MCTP1: variants seen among roughly 807,000 people sequenced by gnomAD.
MCTP1 encodes the protein multiple C2 and transmembrane domain-containing protein 1.
In MCTP1, 69 loss-of-function variants were observed where a neutral mutation model predicts 120.6. The observed-to-expected ratio is 0.57, with a 90% confidence interval of 0.47 to 0.70. The LOEUF (loss-of-function observed/expected upper bound fraction) is 0.70, where lower values mean the gene tolerates loss of function less well. Among genes scored for constraint, MCTP1 ranks in the 30% least tolerant of loss-of-function variants. The pLI, the probability that MCTP1 is intolerant of heterozygous loss-of-function variation, is 0.00. For synonymous variants in MCTP1, 529 were observed against 493.1 expected, an observed-to-expected ratio of 1.07 and a Z score of -0.96; for missense variants, 1,203 against 1,248.8, an observed-to-expected ratio of 0.96 and a Z score of 0.55.
chr5:95,042,858 T>C (rs1416136294), intron 1 of MCTP1, among the ~76,000 whole-genome samples: 1 of 152,208 alleles, frequency 6.6e-6, no homozygotes, highest in Non-Finnish European at 1.5e-5. Context: ...TGAATGTATA[T>C]ATCTACCATA....
chr5:95,196,343 G>T (rs111492684), intron 1 of MCTP1, among the ~76,000 whole-genome samples: 22 of 152,288 alleles, frequency 1.4e-4, no homozygotes, highest in African/African-American at 5.1e-4. Flanking sequence ...GATCCTTTAA[G>T]GTAGGTGGTC....
At chr5:94,760,527 C>T (rs1343102802) in intron 19 of MCTP1, among the ~76,000 whole-genome samples, 1 of 152,172 alleles carries the variant, frequency 6.6e-6, no homozygotes, top group African/African-American at 2.4e-5. Flanking sequence ...GATCAGGATA[C>T]TTGGCTAAGA....
intron 1 of MCTP1, among the ~76,000 whole-genome samples, chr5:95,197,562 C>T (rs1478624131): frequency 6.6e-6 from 1 of 151,982 alleles, no homozygotes; most frequent in East Asian, 1.9e-4. Flanking sequence ...ATCTCTACGA[C>T]ATATTAATGA....
intron 2 of MCTP1, among the ~76,000 whole-genome samples, chr5:94,992,551 T>C (rs1831791183): frequency 6.6e-6 from 1 of 152,182 alleles, no homozygotes; most frequent in Non-Finnish European, 1.5e-5. Flanking sequence ...GTATCTCCAA[T>C]TCCAATCTCA....
At chr5:94,786,477 C>T (rs1032485344) in intron 18 of MCTP1, among the ~76,000 whole-genome samples, 31 of 152,074 alleles carry the variant, frequency 2.0e-4, no homozygotes, top group African/African-American at 6.8e-4. Flanking sequence ...TTTAGACCTA[C>T]ATTTGGACTG....
intron 1 of MCTP1, among the ~76,000 whole-genome samples, chr5:95,211,383 C>G (rs1005263585): frequency 5.3e-5 from 8 of 152,112 alleles, no homozygotes; most frequent in Non-Finnish European, 1.2e-4. Context: ...TCTTTTTACT[C>G]TTTTTTCTCT....
intron 2 of MCTP1, among the ~76,000 whole-genome samples, chr5:94,970,110 A>C (rs551764345): frequency 6.6e-6 from 1 of 152,168 alleles, no homozygotes; most frequent in South Asian, 2.1e-4. Flanking sequence ...TTAATTTAAA[A>C]TAATAGTATG....
chr5:94,944,569 A>G (rs1818479625), intron 3 of MCTP1, among the ~76,000 whole-genome samples: 1 of 152,190 alleles, frequency 6.6e-6, no homozygotes, highest in Non-Finnish European at 1.5e-5. Flanking sequence ...ACCCACACAC[A>G]TGAGGTTGAG....
At position 94,930,293 on chromosome 5, in the gene MCTP1, A is replaced by G. The variant is rs1415892514; in HGVS notation, c.1212+1660T>C. On this transcript the variant is annotated intron_variant, in intron 6 of 22. Coordinates refer to ENST00000515393, the MANE Select transcript of MCTP1 (RefSeq NM_024717.7). ...TTTTTTTTTTTTTTTTTTTTTTTTG[A>G]GACAGAGTCTCACTCTGTTGCCCAG... Among the ~76,000 whole-genome samples the G allele has an allele frequency of 6.0e-5, 3 of 49,928 alleles. No homozygotes were observed. In the East Asian group the frequency reaches 1.6e-3, roughly 27 times the overall value. The allele number at this position is 49,928 out of a possible 152,430, so 32.8% of individuals were successfully genotyped here.
intron 1 of MCTP1, among the ~76,000 whole-genome samples, chr5:95,178,071 G>A (rs577741882): frequency 6.6e-6 from 1 of 152,264 alleles, no homozygotes; most frequent in East Asian, 1.9e-4. Context: ...GCCTGTGACT[G>A]CCGTCTTTCC....
intron 17 of MCTP1, among the ~76,000 whole-genome samples, chr5:94,814,433 G>A (rs568132112): frequency 5.9e-5 from 9 of 152,272 alleles, no homozygotes; most frequent in African/African-American, 2.2e-4. Flanking sequence ...CCTCATTTGA[G>A]TTCAGAGAAG....
intron 1 of MCTP1, among the ~76,000 whole-genome samples, chr5:95,170,822 T>G (rs572727618): frequency 6.6e-6 from 1 of 152,310 alleles, no homozygotes; most frequent in Admixed American, 6.5e-5. Flanking sequence ...ATGAGATGGG[T>G]CTCCTGAAAA....
intron 1 of MCTP1, among the ~76,000 whole-genome samples, chr5:95,220,172 G>C (rs1311959873): frequency 6.6e-6 from 1 of 152,170 alleles, no homozygotes; most frequent in Non-Finnish European, 1.5e-5. Flanking sequence ...AATAGCCTAT[G>C]TCATTGAAGA....
intron 9 of MCTP1, 65 bp from the exon 10 acceptor site, chr5:94,909,446 C>T (rs1807866163): frequency 6.6e-7 from 1 of 1,512,836 alleles, no homozygotes; most frequent in Admixed American, 2.3e-5. Flanking sequence ...CAACCTGAGA[C>T]ACTAAATCAA....
At chr5:95,249,944 G>C (rs1757214704) in intron 1 of MCTP1, among the ~76,000 whole-genome samples, 1 of 152,144 alleles carries the variant, frequency 6.6e-6, no homozygotes, top group Non-Finnish European at 1.5e-5. Context: ...ACTCATACGT[G>C]GGAGTTGAAC....
At chr5:95,135,013 A>G (rs890109446) in intron 1 of MCTP1, among the ~76,000 whole-genome samples, 1 of 142,678 alleles carries the variant, frequency 7.0e-6, no homozygotes, top group Non-Finnish European at 1.5e-5. Flanking sequence ...AAAAAAAAAA[A>G]AAAAAAAAAA....
At chr5:94,775,610 T>A (rs255375) in intron 19 of MCTP1, among the ~76,000 whole-genome samples, 2 of 151,914 alleles carry the variant, frequency 1.3e-5, no homozygotes, top group Non-Finnish European at 2.9e-5. Flanking sequence ...AATTGAGAAC[T>A]CAGTATGATG....
At chr5:94,796,078 A>C (rs1435377492) in intron 18 of MCTP1, among the ~76,000 whole-genome samples, 2 of 152,230 alleles carry the variant, frequency 1.3e-5, no homozygotes, top group African/African-American at 4.8e-5. Flanking sequence ...AATACATTGA[A>C]GACAGAATTT....
At chr5:94,893,149 T>G (rs577377784) in intron 11 of MCTP1, among the ~76,000 whole-genome samples, 2 of 152,280 alleles carry the variant, frequency 1.3e-5, no homozygotes, top group African/African-American at 4.8e-5. Context: ...GAAACAAATA[T>G]TCAAATTCTG....
Sources: gnomAD v4.1 joint callset for allele counts (sites outside exome capture counted in the v4.1 genomes callset) on GRCh38, gnomAD v4.1.1 for gene constraint, MANE v1.5 for transcripts, NCBI Gene and HGNC (gene_info 2026-07-23, HGNC 2026-07-21) for gene names.